The following FHOD3 variants were observed in gnomAD, a reference collection of about 807,000 sequenced individuals.
FHOD3 encodes FH1/FH2 domain-containing protein 3.
FHOD3 carries 90 observed loss-of-function variants against 173.0 expected under a neutral mutation model. The ratio of observed to expected loss-of-function variants is 0.52; its 90% CI spans 0.44 to 0.62. The LOEUF (loss-of-function observed/expected upper bound fraction) is 0.62, where lower values mean the gene tolerates loss of function less well. Among genes scored for constraint, FHOD3 ranks in the 20% least tolerant of loss-of-function variants. The probability of loss-of-function intolerance (pLI) is 0.00; values close to 1 mark genes in which losing one functional copy is unlikely to be tolerated. For missense variants in FHOD3, 1,945 were observed against 2,034.7 expected (o/e 0.96, Z 0.85); for synonymous variants, 828 against 823.0 (o/e 1.01, Z -0.10).
intron 10 of FHOD3, among the ~76,000 whole-genome samples, chr18:36,629,205 G>A (rs151311376): frequency 2.0e-5 from 3 of 152,300 alleles, no homozygotes; most frequent in African/African-American, 7.2e-5. Context: ...CAAGTAACAT[G>A]TTAAACTTGG....
In FHOD3 at chr18:36,372,678, A is replaced by G; in HGVS notation, c.273-2A>G. The G allele has an allele frequency of 6.2e-7, 1 of 1,613,808 alleles. No homozygotes were observed. The highest frequency in any genetic ancestry group is 8.5e-7 in the Non-Finnish European group (1 of 1,179,864). On this transcript the variant is annotated splice_acceptor_variant, in intron 2 of 28. Transcript: ENST00000590592. LOFTEE classifies it high-confidence loss of function. ...CCCCTGTTTTGTCTCCTGTCTCGTT[A>G]GGCGGGGCAAGAAGCACAGCATCAT...
intron 5 of FHOD3, among the ~76,000 whole-genome samples, chr18:36,514,261 G>T (rs1165110673): frequency 1.3e-5 from 2 of 151,948 alleles, no homozygotes; most frequent in Non-Finnish European, 2.9e-5. Flanking sequence ...CGCCGGCCTC[G>T]GCCTCCCCAA....
intron 3 of FHOD3, among the ~76,000 whole-genome samples, chr18:36,380,449 C>T (rs563687942): frequency 6.6e-6 from 1 of 150,616 alleles, no homozygotes; most frequent in African/African-American, 2.4e-5. Flanking sequence ...CCCTCCCTCC[C>T]TCCCTCACTC....
rs148066235 is a variant in FHOD3 at position 36,550,305 on chromosome 18, C to A, written c.512-26146C>A. The stretch of plus-strand genomic sequence containing the variant: ...GAACTTTTCATTCCATACCATTGAT[C>A]TGTTTGCCTGTCGTATTGCCAATAC... On this transcript the variant is annotated intron_variant, in intron 5 of 28. Transcript: ENST00000590592. Among the ~76,000 whole-genome samples, 802 of 145,156 alleles carry A rather than the reference C, an allele frequency of 5.5e-3. 10 individuals carry two copies. The highest frequency in any genetic ancestry group is 0.019 in the African/African-American group (755 of 38,924).
In FHOD3 at chr18:36,693,330, C is replaced by T; in HGVS notation, c.2143C>T (p.Leu715=). ...DLTSPAAPAC[L]APLSHSPSSS... ...GACCTCGCCAGCAGCCCCAGCCTGCCTGGCTCCTCTGAGCCATAGCCCCTC... is the reference window on the plus strand; with the variant it reads ...GACCTCGCCAGCAGCCCCAGCCTGCTTGGCTCCTCTGAGCCATAGCCCCTC... Residue 715 remains leucine, a synonymous_variant, in exon 17 of 29, where the codon CTG becomes TTG. Coordinates refer to ENST00000590592, the MANE Select transcript of FHOD3 (RefSeq NM_001281740.3). The T allele has an allele frequency of 6.2e-7, 1 of 1,613,948 alleles. No individual in the cohort carries two copies. The highest frequency in any genetic ancestry group is 8.5e-7 in the Non-Finnish European group (1 of 1,179,848).
At chr18:36,539,012 T>G (rs1225166398) in intron 5 of FHOD3, among the ~76,000 whole-genome samples, 1 of 152,242 alleles carries the variant, frequency 6.6e-6, no homozygotes, top group Non-Finnish European at 1.5e-5. Context: ...CTCACCATAC[T>G]ACCTTTGTAA....
chr18:36,748,871 C>T (rs903560331), intron 24 of FHOD3, among the ~76,000 whole-genome samples: 5 of 152,044 alleles, frequency 3.3e-5, no homozygotes, highest in African/African-American at 1.2e-4. Flanking sequence ...CTGAGAGCCC[C>T]AAGGACTGTG....
intron 3 of FHOD3, among the ~76,000 whole-genome samples, chr18:36,422,114 G>A (rs554506700): frequency 3.3e-5 from 5 of 152,170 alleles, no homozygotes; most frequent in East Asian, 3.9e-4. Context: ...TCTCACCTTC[G>A]ACTTTGCTCT....
intron 13 of FHOD3, among the ~76,000 whole-genome samples, chr18:36,654,405 T>C (rs1327479408): frequency 6.6e-6 from 1 of 152,240 alleles, no homozygotes; most frequent in African/African-American, 2.4e-5. Context: ...TCTACAGTTT[T>C]TTTTACTATA....
At chr18:36,488,814 G>C (rs1312427888) in intron 3 of FHOD3, among the ~76,000 whole-genome samples, 2 of 152,216 alleles carry the variant, frequency 1.3e-5, no homozygotes, top group East Asian at 3.9e-4. Flanking sequence ...CCAAGGCCAT[G>C]GCACAGTGGT....
chr18:36,435,651 A>G (rs1021671786), intron 3 of FHOD3, among the ~76,000 whole-genome samples: 2 of 152,212 alleles, frequency 1.3e-5, no homozygotes, highest in Admixed American at 6.5e-5. Context: ...AATGATATAG[A>G]ATGATATATG....
intron 20 of FHOD3, among the ~76,000 whole-genome samples, chr18:36,738,084 A>C (rs2041729050): frequency 6.6e-6 from 1 of 152,230 alleles, no homozygotes; most frequent in African/African-American, 2.4e-5. Context: ...TGTAAATAGC[A>C]TGTAACCTTT....
chr18:36,601,185 G>T (rs1008745293), intron 7 of FHOD3, among the ~76,000 whole-genome samples: 1 of 152,206 alleles, frequency 6.6e-6, no homozygotes, highest in Admixed American at 6.5e-5. Context: ...GAAAGAACAT[G>T]TCTTTGTGCT....
intron 5 of FHOD3, among the ~76,000 whole-genome samples, chr18:36,543,395 A>G (rs965700956): frequency 2.0e-5 from 3 of 152,168 alleles, no homozygotes; most frequent in African/African-American, 7.2e-5. Flanking sequence ...ATCCACTAGC[A>G]GAGAAATTTT....
chr18:36,602,437 G>A (rs761083234), intron 7 of FHOD3, among the ~76,000 whole-genome samples: 1 of 152,128 alleles, frequency 6.6e-6, no homozygotes, highest in African/African-American at 2.4e-5. Context: ...ACACTGAAGC[G>A]TACACAATGC....
At chr18:36,450,469 TTATTTATTTATTTA>T (rs199499468) in intron 3 of FHOD3, among the ~76,000 whole-genome samples, 12,425 of 148,454 alleles carry the variant, frequency 0.084, 1,391 homozygotes, top group East Asian at 0.25. Context: ...ATTTATTTAT[TTATTTATTTATTTA>T]TTTAATTTTT....
intron 1 of FHOD3, among the ~76,000 whole-genome samples, chr18:36,332,459 G>T (rs894365470): frequency 6.6e-6 from 1 of 152,220 alleles, no homozygotes; most frequent in Non-Finnish European, 1.5e-5. Context: ...CTGAGCTGGA[G>T]CAGGCAGATG....
intron 14 of FHOD3, among the ~76,000 whole-genome samples, chr18:36,668,197 A>T (rs983447360): frequency 1.3e-5 from 2 of 152,130 alleles, no homozygotes; most frequent in Non-Finnish European, 2.9e-5. Context: ...TCTAATAGAT[A>T]TTTATCTTAT....
chr18:36,755,390 A>C, intron 25 of FHOD3, 79 bp downstream of exon 25: 2 of 768,558 alleles, frequency 2.6e-6, no homozygotes, highest in East Asian at 4.1e-5. Flanking sequence ...CACAGTTAAA[A>C]GCTGTGCTTT....
Sources: gnomAD v4.1 joint callset for allele counts (sites outside exome capture counted in the v4.1 genomes callset) on GRCh38, gnomAD v4.1.1 for gene constraint, MANE v1.5 for transcripts, NCBI Gene and HGNC (gene_info 2026-07-23, HGNC 2026-07-21) for gene names.